DNAAF4: variants seen among roughly 807,000 people sequenced by gnomAD.
DNAAF4 encodes the protein dynein assembly factor 4, axonemal.
In DNAAF4, 43 loss-of-function variants were observed where a neutral mutation model predicts 51.8. The ratio of observed to expected loss-of-function variants is 0.83; its 90% CI spans 0.65 to 1.07. The LOEUF is 1.07. Ranked by LOEUF, DNAAF4 falls within the 50% of genes least tolerant of loss-of-function variation. The probability of loss-of-function intolerance (pLI) is 0.00; values close to 1 mark genes in which losing one functional copy is unlikely to be tolerated. For missense variants in DNAAF4, 581 were observed against 493.0 expected (o/e 1.18, Z -1.69); for synonymous variants, 194 against 165.6 (o/e 1.17, Z -1.32).
chr15:55,433,297 TCA>T lies in DNAAF4; in HGVS notation c.1048-697_1048-696del. Reference sequence around the variant, plus strand: ...CCTGGTGACAGAGTGAGACTTTGTCTCACACAAACACACACACACACAAAAGG... The same window carrying T: ...CCTGGTGACAGAGTGAGACTTTGTCTCACAAACACACACACACACAAAAGG... On this transcript the variant is annotated intron_variant, in intron 8 of 9. Coordinates refer to ENST00000321149, the MANE Select transcript of DNAAF4 (RefSeq NM_130810.4). 2.0e-5 allele frequency among the ~76,000 whole-genome samples: 3 copies of T among 151,820 alleles called. No homozygotes were observed. The South Asian group carries it at 6.2e-4, about 32-fold the overall frequency.
At chr15:55,500,622 C>T (rs898344454) in intron 1 of DNAAF4, among the ~76,000 whole-genome samples, 2 of 152,096 alleles carry the variant, frequency 1.3e-5, no homozygotes, top group African/African-American at 2.4e-5. Flanking sequence ...CACATACACA[C>T]CTCTGCAGTG....
In DNAAF4 at chr15:55,473,846, G is replaced by C. The variant is rs190981856; in HGVS notation, c.406-6685C>G. ...ATCTCTACAAAAAATAAAAAAATTAGCTGGGCGTGGTGGCACACAACTGTA... is the reference window on the plus strand; with the variant it reads ...ATCTCTACAAAAAATAAAAAAATTACCTGGGCGTGGTGGCACACAACTGTA... On this transcript the variant is annotated intron_variant, in intron 4 of 9. Transcript: ENST00000321149. 2.5e-3 allele frequency among the ~76,000 whole-genome samples: 387 copies of C among 152,014 alleles called. 2 individuals are homozygous for C. The highest frequency in any genetic ancestry group is 4.1e-3 in the Non-Finnish European group (277 of 67,980).
chr15:55,495,228 A>C (rs2058625595), intron 3 of DNAAF4: 1 of 151,438 alleles, frequency 6.6e-6, no homozygotes, highest in Non-Finnish European at 1.5e-5. Flanking sequence ...AAAAAAAAAA[A>C]AAAATTAAGT....
chr15:55,464,664 A>G (rs1050264208), intron 5 of DNAAF4, among the ~76,000 whole-genome samples: 6 of 152,322 alleles, frequency 3.9e-5, no homozygotes, highest in East Asian at 1.9e-4. Flanking sequence ...GACAATTCTC[A>G]AAAGAAGATA....
chr15:55,441,520 C>T (rs1038973046), intron 6 of DNAAF4, among the ~76,000 whole-genome samples: 2 of 151,778 alleles, frequency 1.3e-5, no homozygotes, highest in South Asian at 2.1e-4. Flanking sequence ...CCCATTAACT[C>T]GTCATTTACA....
chr15:55,481,633 C>G (rs903664736), intron 4 of DNAAF4, among the ~76,000 whole-genome samples: 9 of 152,162 alleles, frequency 5.9e-5, no homozygotes, highest in African/African-American at 2.2e-4. Context: ...TGTAGGGACT[C>G]TGCCCTAATC....
intron 3 of DNAAF4, among the ~76,000 whole-genome samples, chr15:55,495,648 T>C (rs1219647441): frequency 6.6e-6 from 1 of 152,150 alleles, no homozygotes; most frequent in African/African-American, 2.4e-5. Flanking sequence ...GGCAGGAGAA[T>C]TGCTGGAACC....
intron 7 of DNAAF4, among the ~76,000 whole-genome samples, chr15:55,421,946 A>G (rs1044056555): frequency 1.4e-5 from 2 of 146,442 alleles, no homozygotes; most frequent in African/African-American, 2.5e-5. Context: ...ATAATAATAA[A>G]GGTCCCAGGA....
chr15:55,488,547 T>C (rs2058524981), intron 4 of DNAAF4, among the ~76,000 whole-genome samples: 1 of 152,128 alleles, frequency 6.6e-6, no homozygotes, highest in African/African-American at 2.4e-5. Flanking sequence ...GAGTAATGCA[T>C]TCATATTAAT....
At chr15:55,475,035 A>C (rs1291615471) in intron 4 of DNAAF4, among the ~76,000 whole-genome samples, 1 of 151,744 alleles carries the variant, frequency 6.6e-6, no homozygotes, top group African/African-American at 2.4e-5. Flanking sequence ...TGTGTTAAAT[A>C]ATTTTGCTGA....
intron 4 of DNAAF4, among the ~76,000 whole-genome samples, chr15:55,485,249 A>G (rs1182144840): frequency 6.6e-6 from 1 of 152,224 alleles, no homozygotes; most frequent in Non-Finnish European, 1.5e-5. Flanking sequence ...TCTGACATAC[A>G]CTGAAGAGGA....
At chr15:55,476,839 G>T (rs1778083746) in intron 4 of DNAAF4, among the ~76,000 whole-genome samples, 1 of 152,114 alleles carries the variant, frequency 6.6e-6, no homozygotes, top group Non-Finnish European at 1.5e-5. Context: ...GAGAGTTATT[G>T]TTTAATGGGT....
At chr15:55,470,019 C>T (rs2058229895) in intron 4 of DNAAF4, among the ~76,000 whole-genome samples, 1 of 151,722 alleles carries the variant, frequency 6.6e-6, no homozygotes, top group Non-Finnish European at 1.5e-5. Flanking sequence ...CAATGGCTCA[C>T]AGGAATCAGA....
At chr15:55,433,907 T>TA (rs1276256270) in intron 8 of DNAAF4, among the ~76,000 whole-genome samples, 1 of 9,540 alleles carries the variant, frequency 1.0e-4, no homozygotes, top group Non-Finnish European at 1.7e-4. Flanking sequence ...ATATATATTA[T>TA]ATATAATTAT....
At chr15:55,419,220 C>T (rs1017614561) in intron 7 of DNAAF4, among the ~76,000 whole-genome samples, 3 of 151,434 alleles carry the variant, frequency 2.0e-5, no homozygotes, top group Non-Finnish European at 1.5e-5. Context: ...CCAGCCAACA[C>T]ACTTATATTT....
At chr15:55,480,854 T>C (rs1437925948) in intron 4 of DNAAF4, among the ~76,000 whole-genome samples, 1 of 152,174 alleles carries the variant, frequency 6.6e-6, no homozygotes, top group Admixed American at 6.5e-5. Flanking sequence ...TTGGGCTCTG[T>C]ATCCCCACCC....
At chr15:55,467,957 T>C (rs1332422958) in intron 4 of DNAAF4, among the ~76,000 whole-genome samples, 1 of 152,162 alleles carries the variant, frequency 6.6e-6, no homozygotes, top group Non-Finnish European at 1.5e-5. Flanking sequence ...GACTTTCCTA[T>C]GGTAAGAAAA....
chr15:55,445,589 G>A (rs531152065), intron 6 of DNAAF4, among the ~76,000 whole-genome samples: 11 of 151,962 alleles, frequency 7.2e-5, no homozygotes, highest in African/African-American at 2.2e-4. Flanking sequence ...CAGATGGGGC[G>A]GCCAGGCAGA....
At chr15:55,501,669 C>A (rs184093898) in intron 1 of DNAAF4, among the ~76,000 whole-genome samples, 13 of 151,912 alleles carry the variant, frequency 8.6e-5, no homozygotes, top group African/African-American at 2.9e-4. Flanking sequence ...GCCACCACGC[C>A]GGGCCAGGAT....
Sources: gnomAD v4.1 joint callset for allele counts (sites outside exome capture counted in the v4.1 genomes callset) on GRCh38, gnomAD v4.1.1 for gene constraint, MANE v1.5 for transcripts, NCBI Gene and HGNC (gene_info 2026-07-23, HGNC 2026-07-21) for gene names.